Variants in KICS2 observed in about 807,000 individuals in gnomAD.
The protein encoded by KICS2 is KICSTOR subunit 2.
KICS2 carries 13 observed loss-of-function variants against 31.4 expected under a neutral mutation model. That is an observed-to-expected ratio of 0.41 (90% CI 0.27 to 0.66). The LOEUF (loss-of-function observed/expected upper bound fraction) is 0.66. Ranked by LOEUF, KICS2 falls within the 30% of genes least tolerant of loss-of-function variation. The pLI, the probability that KICS2 is intolerant of heterozygous loss-of-function variation, is 0.28. For synonymous variants in KICS2, 209 were observed against 214.8 expected (o/e 0.97, Z 0.24); for missense variants, 455 against 545.4 (o/e 0.83, Z 1.65).
chr12:64,186,871 T>C (rs1324177108), downstream of KICS2: 1 of 152,202 alleles, frequency 6.6e-6, no homozygotes, highest in African/African-American at 2.4e-5. Context: ...ATGTTGAATA[T>C]TAGAAATCAT....
chr12:64,197,385 C>G (rs1456999667), intron 2 of KICS2, among the ~76,000 whole-genome samples: 2 of 146,886 alleles, frequency 1.4e-5, no homozygotes, highest in Non-Finnish European at 3.0e-5. Context: ...AAATACTTTA[C>G]AGACAAGCAA....
chr12:64,214,059 A>G (rs1268423909), intron 2 of KICS2, among the ~76,000 whole-genome samples: 3 of 152,168 alleles, frequency 2.0e-5, no homozygotes, highest in Admixed American at 1.3e-4. Context: ...TCACCATCCC[A>G]TTGCACACAC....
At chr12:64,189,014 A>G (rs1430404890), downstream of KICS2, among the ~76,000 whole-genome samples, 3 of 152,090 alleles carry the variant, frequency 2.0e-5, no homozygotes, top group Non-Finnish European at 4.4e-5. Flanking sequence ...TTAGCTGGGC[A>G]TGGTGGCACG....
At chr12:64,212,423 T>C (rs2037590359) in intron 2 of KICS2, among the ~76,000 whole-genome samples, 1 of 152,246 alleles carries the variant, frequency 6.6e-6, no homozygotes, top group Non-Finnish European at 1.5e-5. Context: ...AATTATGTAA[T>C]TTCCATGTGG....
intron 2 of KICS2, among the ~76,000 whole-genome samples, chr12:64,206,510 T>C (rs1386546148): frequency 6.6e-6 from 1 of 152,212 alleles, no homozygotes; most frequent in African/African-American, 2.4e-5. Context: ...AATACATTTA[T>C]TATGAATAAA....
intron 2 of KICS2, among the ~76,000 whole-genome samples, chr12:64,210,758 CA>C (rs2037575530): frequency 1.3e-5 from 2 of 152,250 alleles, no homozygotes; most frequent in South Asian, 4.1e-4. Context: ...GCCTGGGTGA[CA>C]GAACAAGACC....
rs1405733075 is a variant in KICS2 at position 64,192,519 on chromosome 12, C to T, written c.*1323G>A. The T allele has an allele frequency of 3.4e-5, 27 of 784,754 alleles. No homozygotes were observed. The South Asian group carries it at 1.3e-3, about 37-fold the overall frequency. The allele number at this position is 784,754 out of a possible 1,614,324, so 48.6% of individuals were successfully genotyped here. A position where few individuals can be genotyped will look rare whatever the true frequency, so the allele number is the denominator to read the frequency against. The stretch of plus-strand genomic sequence containing the variant: ...CTCTGGTCTCTGCTGATGTTGCTGG[C>T]ATACCTGCTGTGGACACCCAGTAAA... On this transcript the variant is annotated 3_prime_UTR_variant, in exon 3 of 3. Transcript: ENST00000398055.
rs1176865438 is a variant in KICS2, at chr12:64,193,775, C to A, written c.*67G>T. 2.6e-6 allele frequency: 4 copies of A among 1,509,664 alleles called. No individual in the cohort carries two copies. The highest frequency in any genetic ancestry group is 2.2e-5 in the Admixed American group (1 of 44,622). The allele number at this position is 1,509,664 out of a possible 1,614,324, so 93.5% of individuals were successfully genotyped here. On this transcript the variant is annotated 3_prime_UTR_variant, in exon 3 of 3. Coordinates refer to ENST00000398055, the MANE Select transcript of KICS2 (RefSeq NM_152440.5). ...ATGGATGTAAACTCTATTCACAGAC[C>A]ACCGTAGATCATTAGGGCAATTAAG...
rs958441483 is a variant in KICS2, at chr12:64,192,120, T to G, written c.*1722A>C. 9 of 147,082 alleles carry G rather than the reference T, an allele frequency of 6.1e-5. No individual in the cohort carries two copies. The highest frequency in any genetic ancestry group is 1.3e-4 in the African/African-American group (5 of 38,164). 9.1% of individuals were successfully genotyped at this position (147,082 alleles called of 1,614,324 possible). ...AAAAATAGGCCAGTAGATTCTTGGT[T>G]CTTCTTCTTCTTTTTTTTTTTTTGA... On this transcript the variant is annotated 3_prime_UTR_variant, in exon 3 of 3. Coordinates refer to ENST00000398055, the MANE Select transcript of KICS2 (RefSeq NM_152440.5).
chr12:64,195,305 A>G (rs1331619497), intron 2 of KICS2, among the ~76,000 whole-genome samples: 4 of 152,184 alleles, frequency 2.6e-5, no homozygotes, highest in African/African-American at 9.7e-5. Flanking sequence ...TGCTCTTTTC[A>G]GAGTGTGGTC....
In KICS2 at chr12:64,191,464, C is replaced by T. The variant is rs968870908; in HGVS notation, c.*2378G>A. 1 of 151,978 alleles carries T rather than the reference C, an allele frequency of 6.6e-6. No individual in the cohort carries two copies. Among genetic ancestry groups the T allele is most frequent in the African/African-American group, 2.4e-5 (1 of 41,346 alleles). 9.4% of individuals were successfully genotyped at this position (151,978 alleles called of 1,614,324 possible). On this transcript the variant is annotated 3_prime_UTR_variant, in exon 3 of 3. Coordinates refer to ENST00000398055, the MANE Select transcript of KICS2 (RefSeq NM_152440.5). ...ATATATGCTTTACTTACACCTCTCT[C>T]GGGGTTCCACTGAAGTATATATTCT...
At chr12:64,197,574 T>C (rs1037992713) in intron 2 of KICS2, among the ~76,000 whole-genome samples, 1 of 150,536 alleles carries the variant, frequency 6.6e-6, no homozygotes, top group Non-Finnish European at 1.5e-5. Context: ...AACATCATAA[T>C]GACAGGATCA....
chr12:64,215,732 T>C lies in KICS2; in HGVS notation c.467A>G (p.Asn156Ser), dbSNP rs372421923. The C allele has an allele frequency of 8.0e-5, 129 of 1,614,080 alleles. No individual in the cohort carries two copies. Among genetic ancestry groups the C allele is most frequent in the African/African-American group, 4.1e-4 (31 of 75,026 alleles). ...MYTLSTQKFI[N>S]AEELVGLLDA... ...CAAAAGGCCAACGAGCTCTTCAGCA[T>C]TGATGAACTTCTGTGTGCTGAGGGT... Residue 156 changes from asparagine (N) to serine (S), a missense_variant, in exon 2 of 3, where the codon AAT (asparagine) becomes AGT (serine). Physicochemically the swap from Asn to Ser is conservative, Grantham distance 46 (BLOSUM62 1). Transcript: ENST00000398055.
intron 2 of KICS2, among the ~76,000 whole-genome samples, chr12:64,213,315 T>TA (rs1434509941): frequency 6.6e-6 from 1 of 152,054 alleles, no homozygotes; most frequent in Non-Finnish European, 1.5e-5. Context: ...CTGGACTAGA[T>TA]AAAAAACATC....
In KICS2 at chr12:64,191,438, T is replaced by C. The variant is rs913090725; in HGVS notation, c.*2404A>G. On this transcript the variant is annotated 3_prime_UTR_variant, in exon 3 of 3. Transcript: ENST00000398055. Reference sequence around the variant, plus strand: ...GTGAGGACTGGTTATTTAAATAACATATATATGCTTTACTTACACCTCTCT... The same window carrying C: ...GTGAGGACTGGTTATTTAAATAACACATATATGCTTTACTTACACCTCTCT... The C allele has an allele frequency of 2.0e-5, 3 of 152,224 alleles. No homozygotes were observed. The highest frequency in any genetic ancestry group is 6.5e-5 in the Admixed American group (1 of 15,284). 9.4% of individuals were successfully genotyped at this position (152,224 alleles called of 1,614,324 possible).
rs952964575 is a variant in KICS2, at chr12:64,192,420, T to G, written c.*1422A>C. The G allele has an allele frequency of 5.8e-6, 1 of 173,540 alleles. No individual in the cohort carries two copies. Among genetic ancestry groups the G allele is most frequent in the Non-Finnish European group, 1.1e-5 (1 of 87,624 alleles). The allele number at this position is 173,540 out of a possible 1,614,324, so 10.8% of individuals were successfully genotyped here. A position where few individuals can be genotyped will look rare whatever the true frequency, so the allele number is the denominator to read the frequency against. On this transcript the variant is annotated 3_prime_UTR_variant, in exon 3 of 3. Transcript: ENST00000398055. ...GATTACAGGCGTGTGCCACCGTGCC[T>G]GGCCGGTTCTTCTTTCTTCTGCCAG... is the stretch of plus-strand genomic sequence containing the variant.
chr12:64,221,357 T>C (rs2037681154), intron 1 of KICS2: 2 of 152,410 alleles, frequency 1.3e-5, no homozygotes, highest in Non-Finnish European at 2.9e-5. Flanking sequence ...CATCTACTTA[T>C]ACTTATTGCT....
chr12:64,222,133 G>A lies in KICS2; in HGVS notation c.105C>T (p.Asp35=), dbSNP rs2037689892. The A allele has an allele frequency of 6.2e-7, 1 of 1,613,954 alleles. No individual in the cohort carries two copies. Among genetic ancestry groups the A allele is most frequent in the African/African-American group, 1.3e-5 (1 of 74,930 alleles). ...LGIFSYDKAK[D]NVEKEREANK... is the part of the protein sequence containing the mutation. ...TGGCCTCTCGTTCCTTCTCCACATT[G>A]TCCTTAGCCTTGTCGTAAGAGAAGA... is the stretch of plus-strand genomic sequence containing the variant. The change falls in exon 1 of 3, where the codon GAC becomes GAT. Residue 35 remains aspartate (D), a synonymous_variant. Transcript: ENST00000398055.
chr12:64,210,949 T>G (rs1592386782), intron 2 of KICS2, among the ~76,000 whole-genome samples: 1 of 152,190 alleles, frequency 6.6e-6, no homozygotes, highest in Admixed American at 6.5e-5. Flanking sequence ...TTTTTTTGAG[T>G]GCAGACCACG....
Sources: gnomAD v4.1 joint callset for allele counts (sites outside exome capture counted in the v4.1 genomes callset) on GRCh38, gnomAD v4.1.1 for gene constraint, MANE v1.5 for transcripts, NCBI Gene and HGNC (gene_info 2026-07-23, HGNC 2026-07-21) for gene names.